The following FNIP2 variants were observed in gnomAD, a reference collection of about 807,000 sequenced individuals.
The protein encoded by FNIP2 is folliculin-interacting protein 2.
Under a neutral mutation model 108.7 loss-of-function variants are expected in FNIP2, and 32 were observed. That is an observed-to-expected ratio of 0.29 (90% CI 0.22 to 0.40). The LOEUF is 0.40. FNIP2 is among the 10% of genes least tolerant of loss of function. FNIP2 has a pLI of 1.00. For missense variants in FNIP2, 1,202 were observed against 1,381.6 expected (o/e 0.87, Z 2.06); for synonymous variants, 480 against 496.7 (o/e 0.97, Z 0.45).
At chr4:158,845,486 T>A (rs957700834) in intron 7 of FNIP2, among the ~76,000 whole-genome samples, 1 of 152,212 alleles carries the variant, frequency 6.6e-6, no homozygotes, top group African/African-American at 2.4e-5. Context: ...GCTCAAGCGA[T>A]CCTCTGGGCT....
intron 1 of FNIP2, among the ~76,000 whole-genome samples, chr4:158,783,600 T>C (rs1776122165): frequency 1.3e-5 from 2 of 152,256 alleles, no homozygotes; most frequent in African/African-American, 4.8e-5. Flanking sequence ...GCAAGCAGGC[T>C]TGATCTTTTT....
intron 14 of FNIP2, chr4:158,872,416 T>G: frequency 1.0e-6 from 1 of 985,440 alleles, no homozygotes; most frequent in Non-Finnish European, 1.2e-6. Flanking sequence ...CGTATTTCAT[T>G]TTCCCTTCCT....
chr4:158,897,208 A>G (rs1406700065), intron 16 of FNIP2, among the ~76,000 whole-genome samples: 1 of 152,120 alleles, frequency 6.6e-6, no homozygotes, highest in African/African-American at 2.4e-5. Flanking sequence ...TCCATGGTGT[A>G]TATGTGCCAC....
Position 158,869,077 on chromosome 4 carries a change from G to T in FNIP2, c.2441G>T (p.Ser814Ile), listed in dbSNP as rs750218095. 1 of 1,614,026 alleles carries T rather than the reference G, an allele frequency of 6.2e-7. No homozygotes were observed. Among genetic ancestry groups the T allele is most frequent in the African/African-American group, 1.3e-5 (1 of 75,042 alleles). Residue 814 changes from serine (S) to isoleucine (I), a missense_variant, in exon 13 of 17, where the codon AGC becomes ATC. Physicochemically the swap from Ser to Ile is moderately radical, Grantham distance 142 (BLOSUM62 -2). Transcript: ENST00000264433. ...DMAADIAGQLSHAADLGTASH... is the reference protein window; with the variant it reads ...DMAADIAGQLIHAADLGTASH... ...GCAGCAGATATTGCTGGGCAGCTCAGCCACGCTGCTGACTTGGGCACAGCC... is the reference window on the plus strand; with the variant it reads ...GCAGCAGATATTGCTGGGCAGCTCATCCACGCTGCTGACTTGGGCACAGCC...
intron 1 of FNIP2, chr4:158,794,637 G>A (rs992150253): frequency 6.6e-6 from 1 of 152,372 alleles, no homozygotes; most frequent in Non-Finnish European, 1.5e-5. Context: ...TTGTGCAGAG[G>A]CCCTGCTAAT....
intron 14 of FNIP2, among the ~76,000 whole-genome samples, chr4:158,875,249 T>C (rs1387363257): frequency 2.0e-5 from 3 of 152,208 alleles, no homozygotes; most frequent in Admixed American, 6.5e-5. Context: ...GCATTCACTT[T>C]TGCTTTGCCC....
chr4:158,808,254 A>G (rs1030760477), intron 1 of FNIP2, among the ~76,000 whole-genome samples: 3 of 152,236 alleles, frequency 2.0e-5, no homozygotes, highest in Non-Finnish European at 4.4e-5. Context: ...TGGGGATTGA[A>G]TGTCCATGTA....
intron 7 of FNIP2, among the ~76,000 whole-genome samples, chr4:158,846,851 A>G (rs986389313): frequency 3.3e-5 from 5 of 152,226 alleles, no homozygotes; most frequent in African/African-American, 9.6e-5. Context: ...AATCAGGTGA[A>G]CGATCACAGA....
chr4:158,854,853 C>T (rs969961502), intron 8 of FNIP2, among the ~76,000 whole-genome samples: 4 of 152,128 alleles, frequency 2.6e-5, no homozygotes, highest in African/African-American at 9.7e-5. Context: ...GGGTAAGACC[C>T]CTCCGAAATG....
intron 8 of FNIP2, among the ~76,000 whole-genome samples, chr4:158,853,550 C>T (rs1345947949): frequency 1.3e-5 from 2 of 152,124 alleles, no homozygotes. Context: ...CGACAGGCGC[C>T]GGTGTGTGAT....
intron 16 of FNIP2, among the ~76,000 whole-genome samples, chr4:158,902,805 CAA>C (rs1434756055): frequency 6.6e-6 from 1 of 152,332 alleles, no homozygotes; most frequent in East Asian, 1.9e-4. Flanking sequence ...ACCGCTTACT[CAA>C]GTCTCAGCAA....
intron 1 of FNIP2, among the ~76,000 whole-genome samples, chr4:158,812,737 C>T (rs1231504842): frequency 1.3e-5 from 2 of 151,926 alleles, no homozygotes; most frequent in Non-Finnish European, 2.9e-5. Context: ...TCTGTATTGA[C>T]ACATCTTTAT....
At chr4:158,853,452 G>A (rs187544313) in intron 8 of FNIP2, among the ~76,000 whole-genome samples, 1 of 152,160 alleles carries the variant, frequency 6.6e-6, no homozygotes, top group South Asian at 2.1e-4. Flanking sequence ...ATGTATACAT[G>A]TGCCATGTTG....
Position 158,888,469 on chromosome 4 carries a change from G to A in FNIP2, c.2950-2977G>A, listed in dbSNP as rs1204608095. Among the ~76,000 whole-genome samples the A allele has an allele frequency of 3.9e-5, 6 of 152,190 alleles. No homozygotes were observed. In the East Asian group the frequency reaches 1.2e-3, roughly 29 times the overall value. On this transcript the variant is annotated intron_variant, in intron 14 of 16. Coordinates refer to ENST00000264433, the MANE Select transcript of FNIP2 (RefSeq NM_020840.3). ...GCCAGCTCCTGTGCTAGAGGCTAAG[G>A]ATGCAGAGAGAAGATTCAGCCCCAC... is the stretch of plus-strand genomic sequence containing the variant.
At chr4:158,777,030 G>A (rs1451849617) in intron 1 of FNIP2, among the ~76,000 whole-genome samples, 1 of 152,062 alleles carries the variant, frequency 6.6e-6, no homozygotes, top group Non-Finnish European at 1.5e-5. Flanking sequence ...TGATTGACCT[G>A]CACCCCCACC....
At chr4:158,863,952 T>C (rs1780437093) in intron 12 of FNIP2, among the ~76,000 whole-genome samples, 1 of 152,250 alleles carries the variant, frequency 6.6e-6, no homozygotes, top group Admixed American at 6.5e-5. Flanking sequence ...TTACATTGTA[T>C]TTTTCAAAAC....
At chr4:158,841,331 C>G (rs1428081174) in intron 7 of FNIP2, among the ~76,000 whole-genome samples, 1 of 152,138 alleles carries the variant, frequency 6.6e-6, no homozygotes, top group African/African-American at 2.4e-5. Context: ...CTTTCCTCAT[C>G]AGTTTGCCCA....
intron 1 of FNIP2, among the ~76,000 whole-genome samples, chr4:158,770,436 A>C (rs1561271957): frequency 1.3e-5 from 2 of 152,172 alleles, no homozygotes; most frequent in Non-Finnish European, 2.9e-5. Flanking sequence ...AAACCTTTAA[A>C]AGTTTCAAGT....
chr4:158,806,359 T>G (rs1383550339), intron 1 of FNIP2: 2 of 1,289,426 alleles, frequency 1.6e-6, no homozygotes, highest in Non-Finnish European at 2.0e-6. Context: ...GGCGCTTTTA[T>G]GCACAAAGAT....
Sources: gnomAD v4.1 joint callset for allele counts (sites outside exome capture counted in the v4.1 genomes callset) on GRCh38, gnomAD v4.1.1 for gene constraint, MANE v1.5 for transcripts, NCBI Gene and HGNC (gene_info 2026-07-23, HGNC 2026-07-21) for gene names.